The following MCC variants were observed in gnomAD, a reference collection of about 807,000 sequenced individuals.
MCC encodes colorectal mutant cancer protein.
Under a neutral mutation model 116.2 loss-of-function variants are expected in MCC, and 90 were observed. That is an observed-to-expected ratio of 0.77 (90% CI 0.65 to 0.92). The LOEUF is 0.92. Ranked by LOEUF, MCC falls within the 40% of genes least tolerant of loss-of-function variation. The probability of loss-of-function intolerance (pLI) is 0.00; values close to 1 mark genes in which losing one functional copy is unlikely to be tolerated. For synonymous variants in MCC, 578 were observed against 510.5 expected (o/e 1.13, Z -1.78); for missense variants, 1,516 against 1,312.2 (o/e 1.16, Z -2.40).
At chr5:113,312,810 A>C (rs982600255) in intron 3 of MCC, among the ~76,000 whole-genome samples, 13 of 152,226 alleles carry the variant, frequency 8.5e-5, no homozygotes, top group Non-Finnish European at 1.6e-4. Context: ...TCCTGAAAAA[A>C]ATATTTATTT....
At position 113,083,059 on chromosome 5, in the gene MCC, C is replaced by T. The variant is rs546899425; in HGVS notation, c.1636-51G>A. 19 of 1,529,322 alleles carry T rather than the reference C, an allele frequency of 1.2e-5. No individual in the cohort carries two copies. The East Asian group carries it at 2.7e-4, about 22-fold the overall frequency. The allele number at this position is 1,529,322 out of a possible 1,614,324, so 94.7% of individuals were successfully genotyped here. A position where few individuals can be genotyped will look rare whatever the true frequency, so the allele number is the denominator to read the frequency against. On this transcript the variant is annotated intron_variant, in intron 10 of 18. Coordinates refer to ENST00000408903, the MANE Select transcript of MCC (RefSeq NM_001085377.2). ...TTTGGAACATATCATTTCAGAGATG[C>T]ATGTTTTGCATGCAAAAGAATTTAA...
chr5:113,071,067 G>C lies in MCC; in HGVS notation c.1925+27C>G, dbSNP rs369840362. On this transcript the variant is annotated intron_variant, in intron 12 of 18. Transcript: ENST00000408903. Reference sequence around the variant, plus strand: ...CTGGATGCACTTCTACCCTGAAGTAGCTCCAAACATCCCAGTGTGTGCCTA... The same window carrying C: ...CTGGATGCACTTCTACCCTGAAGTACCTCCAAACATCCCAGTGTGTGCCTA... 4 of 1,596,136 alleles carry C rather than the reference G, an allele frequency of 2.5e-6. No individual in the cohort carries two copies. The African/African-American group carries it at 4.1e-5, about 17-fold the overall frequency.
At chr5:113,459,671 T>C (rs921726267) in intron 1 of MCC, among the ~76,000 whole-genome samples, 1 of 152,212 alleles carries the variant, frequency 6.6e-6, no homozygotes, top group Non-Finnish European at 1.5e-5. Flanking sequence ...CATATTCATG[T>C]GCCACCTCAG....
intron 1 of MCC, among the ~76,000 whole-genome samples, chr5:113,426,209 C>G (rs1056585542): frequency 2.6e-5 from 4 of 152,152 alleles, no homozygotes; most frequent in African/African-American, 9.7e-5. Flanking sequence ...GAACTCACTC[C>G]TTATCTCCCT....
At chr5:113,174,184 C>A (rs1265752042) in intron 3 of MCC, among the ~76,000 whole-genome samples, 2 of 152,118 alleles carry the variant, frequency 1.3e-5, no homozygotes, top group African/African-American at 4.8e-5. Flanking sequence ...AGCAAAGATC[C>A]AAGGTAGGGG....
chr5:113,219,033 C>T (rs1763440902), intron 3 of MCC, among the ~76,000 whole-genome samples: 1 of 152,142 alleles, frequency 6.6e-6, no homozygotes, highest in South Asian at 2.1e-4. Flanking sequence ...CCTGATATAA[C>T]AGAGAAATGC....
At chr5:113,129,077 G>A (rs1362749860) in intron 5 of MCC, among the ~76,000 whole-genome samples, 1 of 152,136 alleles carries the variant, frequency 6.6e-6, no homozygotes, top group Non-Finnish European at 1.5e-5. Flanking sequence ...CTCAAATGAG[G>A]GGGCATTTTG....
intron 17 of MCC, among the ~76,000 whole-genome samples, chr5:113,036,182 C>T (rs1751321540): frequency 6.6e-6 from 1 of 151,954 alleles, no homozygotes; most frequent in Non-Finnish European, 1.5e-5. Context: ...GGATTATAGG[C>T]ACCTGTCACC....
intron 3 of MCC, among the ~76,000 whole-genome samples, chr5:113,262,875 A>G (rs2150349246): frequency 6.6e-6 from 1 of 152,272 alleles, no homozygotes; most frequent in East Asian, 1.9e-4. Context: ...CGGACCACTG[A>G]GAACAGGTGC....
chr5:113,400,382 C>A (rs910682081), intron 1 of MCC, among the ~76,000 whole-genome samples: 20 of 152,100 alleles, frequency 1.3e-4, no homozygotes, highest in Non-Finnish European at 2.5e-4. Flanking sequence ...CTCGGCCTCC[C>A]AAAGTGCTGG....
intron 3 of MCC, among the ~76,000 whole-genome samples, chr5:113,305,360 A>C (rs1245282902): frequency 2.0e-5 from 3 of 152,318 alleles, no homozygotes; most frequent in Middle Eastern, 3.4e-3. Context: ...CCTGTGCTCC[A>C]GTTAATATTC....
intron 3 of MCC, among the ~76,000 whole-genome samples, chr5:113,339,441 G>GTGCA (rs1767956369): frequency 1.3e-5 from 2 of 151,580 alleles, no homozygotes; most frequent in African/African-American, 4.9e-5. Flanking sequence ...GTGTGTGTGC[G>GTGCA]TGCATGTGTG....
At chr5:113,365,989 C>T (rs1411298505) in intron 2 of MCC, among the ~76,000 whole-genome samples, 1 of 152,194 alleles carries the variant, frequency 6.6e-6, no homozygotes, top group Non-Finnish European at 1.5e-5. Flanking sequence ...CTTGGGATTA[C>T]AATTCAACAT....
intron 3 of MCC, among the ~76,000 whole-genome samples, chr5:113,262,444 A>G (rs1291453893): frequency 6.6e-6 from 1 of 152,138 alleles, no homozygotes; most frequent in Non-Finnish European, 1.5e-5. Context: ...GGCTGGGCCC[A>G]CCTTTTATGC....
At chr5:113,270,188 C>T (rs1041617884) in intron 3 of MCC, among the ~76,000 whole-genome samples, 4 of 152,090 alleles carry the variant, frequency 2.6e-5, no homozygotes, top group African/African-American at 9.7e-5. Flanking sequence ...GACAAAGATT[C>T]CTTCTTTAGC....
chr5:113,330,286 G>A (rs1767668426), intron 3 of MCC, among the ~76,000 whole-genome samples: 1 of 152,176 alleles, frequency 6.6e-6, no homozygotes, highest in African/African-American at 2.4e-5. Context: ...ATCATTCTTT[G>A]CTCAGTTAAA....
At chr5:113,435,159 G>A in intron 1 of MCC, 1 of 323,944 alleles carries the variant, frequency 3.1e-6, no homozygotes, top group South Asian at 7.7e-5. Context: ...TGTCTTGCTG[G>A]GACCTGAGGT....
At chr5:113,402,799 G>A (rs1380614476) in intron 1 of MCC, among the ~76,000 whole-genome samples, 1 of 152,090 alleles carries the variant, frequency 6.6e-6, no homozygotes, top group African/African-American at 2.4e-5. Context: ...TGTTGTCATT[G>A]TGTCTCACAT....
At chr5:113,332,690 A>G (rs1767728817) in intron 3 of MCC, among the ~76,000 whole-genome samples, 1 of 151,702 alleles carries the variant, frequency 6.6e-6, no homozygotes, top group South Asian at 2.1e-4. Flanking sequence ...GGCCAATAAA[A>G]TATAACATTT....
Sources: allele counts gnomAD v4.1 joint callset (sites outside exome capture counted in the v4.1 genomes callset), GRCh38; gene constraint gnomAD v4.1.1; transcripts MANE v1.5; gene names NCBI Gene and HGNC (gene_info 2026-07-23, HGNC 2026-07-21).